ZFHX3: variants seen among roughly 807,000 people sequenced by gnomAD.
ZFHX3 encodes zinc finger homeobox protein 3.
In ZFHX3, 42 loss-of-function variants were observed where a neutral mutation model predicts 279.1. The observed-to-expected ratio is 0.15, with a 90% CI of 0.12 to 0.19. The LOEUF is 0.19. Ranked by LOEUF, ZFHX3 falls within the 10% of genes least tolerant of loss-of-function variation. ZFHX3 has a pLI of 1.00. For missense variants in ZFHX3, 4,981 were observed against 4,754.0 expected (o/e 1.05, Z -1.40); for synonymous variants, 2,293 against 1,957.8 (o/e 1.17, Z -4.52).
chr16:73,775,107 A>G (rs1959218042), intron 1 of ZFHX3, among the ~76,000 whole-genome samples: 1 of 152,166 alleles, frequency 6.6e-6, no homozygotes, highest in Non-Finnish European at 1.5e-5. Flanking sequence ...TCAAAACATG[A>G]GATTTCCAAA....
intron 5 of ZFHX3, among the ~76,000 whole-genome samples, chr16:72,822,901 C>T (rs2143681382): frequency 1.4e-5 from 2 of 146,374 alleles, no homozygotes; most frequent in South Asian, 4.5e-4. Context: ...TGACTTACAA[C>T]ATAAATTCTC....
At chr16:73,810,834 G>A (rs189632135) in intron 1 of ZFHX3, among the ~76,000 whole-genome samples, 14 of 152,238 alleles carry the variant, frequency 9.2e-5, no homozygotes, top group Non-Finnish European at 1.5e-5. Flanking sequence ...AAAGGGGTTA[G>A]TTAACTAGCT....
chr16:73,362,824 T>C (rs1031112906), intron 3 of ZFHX3, among the ~76,000 whole-genome samples: 1 of 152,218 alleles, frequency 6.6e-6, no homozygotes, highest in Non-Finnish European at 1.5e-5. Flanking sequence ...GAAGCTAAAA[T>C]AGCAAACAGA....
At chr16:73,836,963 G>A (rs1343441264) in intron 1 of ZFHX3, among the ~76,000 whole-genome samples, 1 of 152,218 alleles carries the variant, frequency 6.6e-6, no homozygotes, top group East Asian at 1.9e-4. Context: ...GTTATAACGT[G>A]CAGCATGAGA....
chr16:73,349,612 TCCTCCCTC>T lies in ZFHX3; in HGVS notation c.-1290-31284_-1290-31277del, dbSNP rs1194178698. On this transcript the variant is annotated intron_variant, in intron 3 of 17. Coordinates refer to the ZFHX3 transcript ENST00000641206. ...GCTTTACCTCTCTCTCTCCCTTACT[TCCTCCCTC>T]CCTTCCTCCCTCCCTCCCTCCCTCC... Among the ~76,000 whole-genome samples, 7 of 112,896 alleles carry T rather than the reference TCCTCCCTC, an allele frequency of 6.2e-5. No homozygotes were observed. The East Asian group carries it at 1.2e-3, about 19-fold the overall frequency. The allele number at this position is 112,896 out of a possible 152,430, so 74.1% of individuals were successfully genotyped here. A position where few individuals can be genotyped will look rare whatever the true frequency, so the allele number is the denominator to read the frequency against.
intron 2 of ZFHX3, among the ~76,000 whole-genome samples, chr16:73,662,193 T>C (rs770747309): frequency 3.3e-5 from 5 of 152,180 alleles, no homozygotes; most frequent in African/African-American, 4.8e-5. Flanking sequence ...GTTACAGAAA[T>C]AGTTGTTAAA....
intron 3 of ZFHX3, among the ~76,000 whole-genome samples, chr16:73,414,073 G>T (rs2017523127): frequency 6.6e-6 from 1 of 152,192 alleles, no homozygotes. Context: ...TTCACACTTT[G>T]ACCACAGGAC....
At chr16:73,213,631 C>A (rs1284565170) in intron 5 of ZFHX3, among the ~76,000 whole-genome samples, 2 of 152,180 alleles carry the variant, frequency 1.3e-5, no homozygotes, top group Non-Finnish European at 2.9e-5. Context: ...GGGGTAAGTG[C>A]ATGATAATAA....
intron 3 of ZFHX3, among the ~76,000 whole-genome samples, chr16:72,939,322 G>A (rs1046944640): frequency 5.3e-5 from 8 of 152,174 alleles, no homozygotes; most frequent in African/African-American, 1.7e-4. Context: ...CTGGGCCTGC[G>A]ACAATGAGCA....
intron 3 of ZFHX3, among the ~76,000 whole-genome samples, chr16:73,390,949 G>T (rs1045590162): frequency 7.3e-5 from 11 of 151,594 alleles, no homozygotes; most frequent in Admixed American, 1.3e-4. Flanking sequence ...GACATTAAAG[G>T]CCCGAGAATA....
At chr16:73,386,700 T>C (rs1461618939) in intron 3 of ZFHX3, 1 of 150,348 alleles carries the variant, frequency 6.7e-6, no homozygotes, top group Non-Finnish European at 1.5e-5. Context: ...CCCTACACAG[T>C]CCTTAGGCAA....
chr16:73,235,678 T>C (rs1424178481), intron 5 of ZFHX3, among the ~76,000 whole-genome samples: 1 of 148,530 alleles, frequency 6.7e-6, no homozygotes, highest in Non-Finnish European at 1.5e-5. Flanking sequence ...AATATATCAA[T>C]TGTTTTTTTT....
intron 2 of ZFHX3, among the ~76,000 whole-genome samples, chr16:73,557,039 G>A (rs1441250785): frequency 7.2e-6 from 1 of 139,520 alleles, no homozygotes; most frequent in Non-Finnish European, 1.5e-5. Flanking sequence ...AGCTTGCAGT[G>A]AGCCGAGATC....
rs185830841 is a variant in ZFHX3 at position 73,345,989 on chromosome 16, A to T, written c.-1290-27653T>A. ...GCTGGGATTCTCTACCTTCTGGGCT[A>T]TGTATTATTCCTTGGGGAGGGCTCC... On this transcript the variant is annotated intron_variant, in intron 3 of 17. Coordinates refer to the ZFHX3 transcript ENST00000641206. Among the ~76,000 whole-genome samples, 9 of 152,214 alleles carry T rather than the reference A, an allele frequency of 5.9e-5. No homozygotes were observed. The East Asian group carries it at 1.7e-3, about 29-fold the overall frequency.
At position 73,603,117 on chromosome 16, in the gene ZFHX3, T is replaced by C. The variant is rs570989041; in HGVS notation, c.-1547+77063A>G. Among the ~76,000 whole-genome samples the C allele has an allele frequency of 4.6e-5, 7 of 151,814 alleles. No homozygotes were observed. In the South Asian group the frequency reaches 1.5e-3, roughly 32 times the overall value. The stretch of plus-strand genomic sequence containing the variant: ...TGGCTAACACGGTAAAACCTGTCTC[T>C]ACTAAAAAATACAAAAAATTAGCCG... On this transcript the variant is annotated intron_variant, in intron 2 of 17. Coordinates refer to the ZFHX3 transcript ENST00000641206.
At chr16:73,269,751 CTTTAT>C (rs545205563) in intron 4 of ZFHX3, among the ~76,000 whole-genome samples, 228 of 151,298 alleles carry the variant, frequency 1.5e-3, no homozygotes, top group Non-Finnish European at 2.4e-3. Flanking sequence ...TTTTGCTTTT[CTTTAT>C]TTTTTTTTTT....
At chr16:73,619,381 G>A (rs1032274237) in intron 2 of ZFHX3, among the ~76,000 whole-genome samples, 20 of 151,542 alleles carry the variant, frequency 1.3e-4, no homozygotes, top group African/African-American at 3.9e-4. Context: ...CCAGCTACTC[G>A]GGAGGCTGAG....
intron 4 of ZFHX3, among the ~76,000 whole-genome samples, chr16:72,831,016 A>G (rs983659061): frequency 6.6e-6 from 1 of 152,168 alleles, no homozygotes; most frequent in African/African-American, 2.4e-5. Flanking sequence ...AGGTCTGTCC[A>G]ACCCCAATTC....
intron 5 of ZFHX3, among the ~76,000 whole-genome samples, chr16:73,175,401 C>CAAAA (rs1555502726): frequency 1.4e-4 from 21 of 151,810 alleles, no homozygotes; most frequent in Middle Eastern, 3.4e-3. Context: ...AACAAACAAA[C>CAAAA]AAAAAAACCA....
Sources: allele counts gnomAD v4.1 joint callset (sites outside exome capture counted in the v4.1 genomes callset), GRCh38; gene constraint gnomAD v4.1.1; transcripts MANE v1.5; gene names NCBI Gene and HGNC (gene_info 2026-07-23, HGNC 2026-07-21).